The following COL12A1 variants were observed in gnomAD, a reference collection of about 807,000 sequenced individuals.
COL12A1 encodes collagen alpha-1(XII) chain.
A neutral mutation model predicts 349.7 loss-of-function variants in COL12A1; 114 were observed. That is an observed-to-expected ratio of 0.33 (90% confidence interval 0.28 to 0.38). The LOEUF (loss-of-function observed/expected upper bound fraction) is 0.38, where lower values mean the gene tolerates loss of function less well. Ranked by LOEUF, COL12A1 falls within the 10% of genes least tolerant of loss-of-function variation. The probability of loss-of-function intolerance (pLI) is 1.00; values close to 1 mark genes in which losing one functional copy is unlikely to be tolerated. For missense variants in COL12A1, 3,284 were observed against 3,756.9 expected (o/e 0.87, Z 3.29); for synonymous variants, 1,369 against 1,329.0 (o/e 1.03, Z -0.66).
intron 25 of COL12A1, among the ~76,000 whole-genome samples, chr6:75,144,610 C>A (rs1767083442): frequency 6.6e-6 from 1 of 152,102 alleles, no homozygotes; most frequent in Admixed American, 6.6e-5. Flanking sequence ...TGGGTAAATG[C>A]AATCATTGTC....
chr6:75,140,666 A>AAAAAAAAAAAAAC (rs1193519596), intron 27 of COL12A1, among the ~76,000 whole-genome samples: 1 of 151,364 alleles, frequency 6.6e-6, no homozygotes, highest in African/African-American at 2.4e-5. Flanking sequence ...AAAAAAAAAA[A>AAAAAAAAAAAAAC]AAAAAAAAAA....
chr6:75,147,275 C>T (rs1582131021), intron 23 of COL12A1, among the ~76,000 whole-genome samples: 1 of 152,302 alleles, frequency 6.6e-6, no homozygotes, highest in East Asian at 1.9e-4. Flanking sequence ...TATCTTACTC[C>T]TGATGTGCTT....
At chr6:75,175,913 T>C (rs1346643699) in intron 12 of COL12A1, among the ~76,000 whole-genome samples, 2 of 152,266 alleles carry the variant, frequency 1.3e-5, no homozygotes, top group African/African-American at 4.8e-5. Context: ...ACTTTCTTTG[T>C]AGATTGGTCA....
At chr6:75,117,322 T>A in intron 47 of COL12A1, 60 bp downstream of exon 47, 1 of 1,544,082 alleles carries the variant, frequency 6.5e-7, no homozygotes, top group Non-Finnish European at 8.9e-7. Flanking sequence ...TAGAATTGTC[T>A]ACTAAGTAAT....
At position 75,113,601 on chromosome 6, in the gene COL12A1, C is replaced by T. The variant is rs875989819; in HGVS notation, c.7840+1G>A. On this transcript the variant is annotated splice_donor_variant, in intron 50 of 65. Coordinates refer to ENST00000322507, the MANE Select transcript of COL12A1 (RefSeq NM_004370.6). LOFTEE classifies it high-confidence loss of function. The stretch of plus-strand genomic sequence containing the variant: ...ATGTGCCTTAAGATAAAAATTCTTA[C>T]GATCTGCAATCACTCCAACTTGTGG... The T allele has an allele frequency of 6.9e-6, 11 of 1,599,860 alleles. No individual in the cohort carries two copies. Among genetic ancestry groups the T allele is most frequent in the Middle Eastern group, 1.7e-4 (1 of 5,994 alleles).
intron 51 of COL12A1, among the ~76,000 whole-genome samples, chr6:75,111,818 C>G (rs1768854521): frequency 6.8e-6 from 1 of 146,716 alleles, no homozygotes; most frequent in South Asian, 2.2e-4. Flanking sequence ...TTTGTTTTTC[C>G]TTTTTTTTTT....
In COL12A1 at chr6:75,087,208, C is replaced by T. The variant is rs2149322089; in HGVS notation, c.9181+369G>A. 3 of 250,124 alleles carry T rather than the reference C, an allele frequency of 1.2e-5. No individual in the cohort carries two copies. In the East Asian group the frequency reaches 2.5e-4, roughly 21 times the overall value. The allele number at this position is 250,124 out of a possible 1,614,324, so 15.5% of individuals were successfully genotyped here. A position where few individuals can be genotyped will look rare whatever the true frequency, so the allele number is the denominator to read the frequency against. On this transcript the variant is annotated intron_variant, in intron 65 of 65. Coordinates refer to ENST00000322507, the MANE Select transcript of COL12A1 (RefSeq NM_004370.6). ...TTACCCATAAATTAGATTCCCAAAA[C>T]AATTTTTAAATACATATTCTTGGCA...
At position 75,165,510 on chromosome 6, in the gene COL12A1, C is replaced by G; in HGVS notation, c.2980G>C (p.Glu994Gln). 4 of 1,613,150 alleles carry G rather than the reference C, an allele frequency of 2.5e-6. No homozygotes were observed. Among genetic ancestry groups the G allele is most frequent in the Non-Finnish European group, 3.4e-6 (4 of 1,179,702 alleles). The change falls in exon 14 of 66, where the codon GAA (glutamate) becomes CAA (glutamine). Residue 994 changes from glutamate to glutamine, a missense_variant. Physicochemically the swap from Glu to Gln is conservative, Grantham distance 29. Coordinates refer to ENST00000322507, the MANE Select transcript of COL12A1 (RefSeq NM_004370.6). The part of the protein sequence containing the change: ...GEPLTGDATT[E>Q]LSQDSKTLKV... The stretch of plus-strand genomic sequence containing the variant: ...ACACACCCATAATGTTACCTACATT[C>G]AGTTGTGGCATCTCCAGTCAAAGGT...
intron 14 of COL12A1, among the ~76,000 whole-genome samples, chr6:75,161,856 C>T (rs891876877): frequency 3.9e-5 from 6 of 152,274 alleles, no homozygotes; most frequent in African/African-American, 1.2e-4. Flanking sequence ...TTCTTATACA[C>T]CAATAACAGA....
At chr6:75,100,482 A>G (rs1480616309) in intron 58 of COL12A1, among the ~76,000 whole-genome samples, 1 of 152,124 alleles carries the variant, frequency 6.6e-6, no homozygotes, top group Non-Finnish European at 1.5e-5. Context: ...TAAAATAAGA[A>G]TTCAAAAAAA....
intron 14 of COL12A1, among the ~76,000 whole-genome samples, chr6:75,162,074 G>T (rs998203864): frequency 2.0e-5 from 3 of 152,108 alleles, no homozygotes; most frequent in African/African-American, 4.8e-5. Context: ...TGGCCATACT[G>T]CCCAAAGTAA....
intron 59 of COL12A1, among the ~76,000 whole-genome samples, chr6:75,096,705 G>C (rs1038764387): frequency 6.6e-6 from 1 of 152,066 alleles, no homozygotes; most frequent in Non-Finnish European, 1.5e-5. Context: ...GACCATCCCG[G>C]CTAAAAGGGT....
intron 24 of COL12A1, 40 bp from the exon 25 acceptor site, chr6:75,145,495 T>C: frequency 6.3e-7 from 1 of 1,590,506 alleles, no homozygotes; most frequent in Non-Finnish European, 8.6e-7. Flanking sequence ...GATATTCAAA[T>C]CAAACTTTTC....
chr6:75,173,240 G>T (rs190203637), intron 13 of COL12A1, among the ~76,000 whole-genome samples: 1 of 152,234 alleles, frequency 6.6e-6, no homozygotes, highest in Non-Finnish European at 1.5e-5. Flanking sequence ...TTTACTCCAG[G>T]TCACACAGCT....
Position 75,091,505 on chromosome 6 carries a change from T to C in COL12A1, c.8670A>G (p.Gly2890=). 1 of 1,612,452 alleles carries C rather than the reference T, an allele frequency of 6.2e-7. No individual in the cohort carries two copies. Among genetic ancestry groups the C allele is most frequent in the South Asian group, 1.1e-5 (1 of 91,016 alleles). ...HGRPGPSGLK[G]EKGDRGDIAS... ...AAATACATACCCTATCACCTTTTTC[T>C]CCTTTCAACCCAGATGGACCCTGAA... Residue 2890 remains glycine (G), a synonymous_variant, in exon 61 of 66, where the codon GGA becomes GGG. Transcript: ENST00000322507.
At chr6:75,154,915 G>A (rs1249005838) in intron 16 of COL12A1, among the ~76,000 whole-genome samples, 3 of 152,156 alleles carry the variant, frequency 2.0e-5, no homozygotes, top group Non-Finnish European at 4.4e-5. Flanking sequence ...GCTGTACCTT[G>A]CAAGGTAACA....
rs1767443421 is a variant in COL12A1, at chr6:75,085,433, T to C, written c.*1114A>G. On this transcript the variant is annotated 3_prime_UTR_variant, in exon 66 of 66. Coordinates refer to ENST00000322507, the MANE Select transcript of COL12A1 (RefSeq NM_004370.6). ...ACACACACACACACACAGCAAAAGC[T>C]AAATCATCACCCGCGGTGATGGCAC... 2.4e-6 allele frequency: 1 copy of C among 420,278 alleles called. No homozygotes were observed. Among genetic ancestry groups the C allele is most frequent in the African/African-American group, 2.3e-5 (1 of 44,120 alleles). The allele number at this position is 420,278 out of a possible 1,614,324, so 26.0% of individuals were successfully genotyped here.
intron 58 of COL12A1, 107 bp downstream of exon 58, chr6:75,101,493 A>G (rs1241608601): frequency 1.9e-6 from 2 of 1,062,538 alleles, no homozygotes; most frequent in Admixed American, 2.4e-5. Flanking sequence ...AGCTTTCCAC[A>G]AGATATATTA....
At chr6:75,181,421 T>G (rs542343009) in intron 10 of COL12A1, among the ~76,000 whole-genome samples, 1 of 152,306 alleles carries the variant, frequency 6.6e-6, no homozygotes, top group Admixed American at 6.5e-5. Flanking sequence ...ATTATTCACC[T>G]TGACTATCTA....
Sources: gnomAD v4.1 joint callset for allele counts (sites outside exome capture counted in the v4.1 genomes callset) on GRCh38, gnomAD v4.1.1 for gene constraint, MANE v1.5 for transcripts, NCBI Gene and HGNC (gene_info 2026-07-23, HGNC 2026-07-21) for gene names.